SALL2: variants seen among roughly 807,000 people sequenced by gnomAD.
SALL2 encodes the protein sal-like protein 2.
In SALL2, 32 loss-of-function variants were observed where a neutral mutation model predicts 58.5. The observed-to-expected ratio is 0.55, with a 90% CI of 0.41 to 0.74. SALL2 has a LOEUF of 0.74. Among genes scored for constraint, SALL2 ranks in the 30% least tolerant of loss-of-function variants. The pLI is 0.00. For synonymous variants in SALL2, 516 were observed against 513.6 expected (o/e 1.00, Z -0.06); for missense variants, 1,201 against 1,268.9 (o/e 0.95, Z 0.81).
Position 21,526,330 on chromosome 14 carries a change from G to T in SALL2, c.-203C>A. On this transcript the variant is annotated 5_prime_UTR_variant, in exon 1 of 2. Coordinates refer to ENST00000537235, the MANE Select transcript of SALL2 (RefSeq NM_001364564.1). ...CGGGGAGAAGCTGGAGTGAGAAAGC[G>T]GGGAGAGGGGAGATCTGGGAGGAGC... 5.6e-6 allele frequency: 8 copies of T among 1,431,210 alleles called. No homozygotes were observed. The South Asian group carries it at 1.2e-4, about 21-fold the overall frequency. The allele number at this position is 1,431,210 out of a possible 1,614,324, so 88.7% of individuals were successfully genotyped here. A position where few individuals can be genotyped will look rare whatever the true frequency, so the allele number is the denominator to read the frequency against.
chr14:21,534,637 G>A (rs945816097), intron 1 of SALL2, among the ~76,000 whole-genome samples: 5 of 152,122 alleles, frequency 3.3e-5, no homozygotes, highest in African/African-American at 1.2e-4. Flanking sequence ...AGGAGAGAAT[G>A]CTTCTTGGGG....
intron 1 of SALL2, among the ~76,000 whole-genome samples, chr14:21,536,408 C>CCCTCA (rs1892597083): frequency 2.0e-5 from 3 of 152,202 alleles, no homozygotes; most frequent in Admixed American, 2.0e-4. Flanking sequence ...ACTTTTTTCT[C>CCCTCA]GTCTCCCTCA....
intron 1 of SALL2, among the ~76,000 whole-genome samples, chr14:21,532,898 G>A (rs1324422351): frequency 6.6e-6 from 1 of 151,636 alleles, no homozygotes; most frequent in African/African-American, 2.4e-5. Context: ...GGGAGGCGGA[G>A]CTCGCAGTGA....
Position 21,525,078 on chromosome 14 carries a change from A to G in SALL2, c.644T>C (p.Val215Ala). Residue 215 changes from valine to alanine, a missense_variant, in exon 2 of 2, where the codon GTG (valine) becomes GCG (alanine). Around this residue, in one of 3 missense-constraint regions of SALL2, gnomAD observed 467 missense variants for 468.9 expected, o/e 1.00. Coordinates refer to ENST00000537235, the MANE Select transcript of SALL2 (RefSeq NM_001364564.1). This position sits in a 1 kb window ranked among gnomAD's most constrained non-coding sequence, Gnocchi z 4.4. The part of the protein sequence containing the change: ...VLLLGSLGQT[V>A]GAPASPSELP... Reference sequence around the variant, plus strand: ...CTCTGAGGGACTGGCAGGGGCACCCACCGTCTGGCCTAAGGAGCCAAGCAA... The same window carrying G: ...CTCTGAGGGACTGGCAGGGGCACCCGCCGTCTGGCCTAAGGAGCCAAGCAA... 6.2e-7 allele frequency: 1 copy of G among 1,614,120 alleles called. No individual in the cohort carries two copies. Among genetic ancestry groups the G allele is most frequent in the Non-Finnish European group, 8.5e-7 (1 of 1,179,986 alleles).
chr14:21,533,519 T>C lies in SALL2; in HGVS notation c.-114+3443A>G, dbSNP rs1246341212. Among the ~76,000 whole-genome samples the C allele has an allele frequency of 2.0e-5, 3 of 152,228 alleles. No homozygotes were observed. In the South Asian group the frequency reaches 6.2e-4, roughly 31 times the overall value. ...GATTGTTTCCTTTATTTCCCAGATG[T>C]ACTGGTTTGCATTTTTCCCCCAGTC... On this transcript the variant is annotated intron_variant, in intron 1 of 1. Coordinates refer to the SALL2 transcript ENST00000541965.
chr14:21,524,935 A>C lies in SALL2; in HGVS notation c.787T>G (p.Ser263Ala), dbSNP rs200430124. 6.2e-7 allele frequency: 1 copy of C among 1,614,090 alleles called. No homozygotes were observed. Among genetic ancestry groups the C allele is most frequent in the South Asian group, 1.1e-5 (1 of 91,088 alleles). Reference sequence around the variant, plus strand: ...GCCTGCTTGGGCGTTTCTGCCCCTGAAGAGGAAGAGGAGGAGGAGGAGGAA... The same window carrying C: ...GCCTGCTTGGGCGTTTCTGCCCCTGCAGAGGAAGAGGAGGAGGAGGAGGAA... ...ASSSSSSSSS[S>A]GAETPKQAFF... is the part of the protein sequence containing the mutation. Residue 263 changes from serine (S) to alanine (A), a missense_variant, in exon 2 of 2, where the codon TCA becomes GCA. Ser to Ala is a moderately conservative substitution (Grantham distance 99). Transcript: ENST00000537235.
At chr14:21,529,150 G>A (rs996965893), upstream of SALL2, among the ~76,000 whole-genome samples, 5 of 152,174 alleles carry the variant, frequency 3.3e-5, no homozygotes, top group African/African-American at 1.2e-4. Context: ...ATCCTGAAAA[G>A]GGGGGCAGGA....
chr14:21,531,597 G>A (rs567976503), intron 1 of SALL2, among the ~76,000 whole-genome samples: 54 of 152,056 alleles, frequency 3.6e-4, no homozygotes, highest in Non-Finnish European at 6.6e-4. Context: ...TAGTAGAGAC[G>A]GGGTTTCTTC....
intron 1 of SALL2, among the ~76,000 whole-genome samples, chr14:21,535,272 G>C (rs537818230): frequency 2.6e-3 from 389 of 151,276 alleles, no homozygotes; most frequent in African/African-American, 9.0e-3. Flanking sequence ...GTGAACCTGG[G>C]AGGTGGAGCG....
intron 1 of SALL2, chr14:21,536,899 T>G (rs1276957722): frequency 8.7e-6 from 14 of 1,614,138 alleles, no homozygotes; most frequent in Non-Finnish European, 1.1e-5. Flanking sequence ...CTGTTGGGGT[T>G]TCCGCTGCTT....
rs1317318701 is a variant in SALL2 at position 21,525,849 on chromosome 14, G to A, written c.68-195C>T. On this transcript the variant is annotated intron_variant, in intron 1 of 1. Transcript: ENST00000537235. The surrounding 1 kb of genome is among the most constrained non-coding windows in gnomAD (Gnocchi z 4.4). ...CAACCCGGCATGGGGCAGGGGGGTG[G>A]GGAGGGAGGAGGGGAGGGGGGCAAG... Among the ~76,000 whole-genome samples, 1 of 149,612 alleles carries A rather than the reference G, an allele frequency of 6.7e-6. No individual in the cohort carries two copies. The highest frequency in any genetic ancestry group is 2.0e-4 in the East Asian group (1 of 4,982).
upstream of SALL2, among the ~76,000 whole-genome samples, chr14:21,527,564 T>G (rs1358576488): frequency 5.3e-5 from 8 of 152,246 alleles, no homozygotes; most frequent in Non-Finnish European, 1.0e-4. Context: ...AACTGAGACA[T>G]GGTGGTCAGT....
chr14:21,527,264 C>A (rs947063365), upstream of SALL2, among the ~76,000 whole-genome samples: 3 of 152,180 alleles, frequency 2.0e-5, no homozygotes, highest in African/African-American at 7.2e-5. Flanking sequence ...GTGTCTAAAG[C>A]CCTTTCAGCC....
intron 1 of SALL2, among the ~76,000 whole-genome samples, chr14:21,534,239 T>A (rs974140079): frequency 2.0e-5 from 3 of 152,188 alleles, no homozygotes; most frequent in Non-Finnish European, 4.4e-5. Context: ...ATTTTGCAGA[T>A]GAGGCCCAAT....
At chr14:21,531,568 G>A (rs1266681656) in intron 1 of SALL2, among the ~76,000 whole-genome samples, 1 of 151,546 alleles carries the variant, frequency 6.6e-6, no homozygotes, top group Non-Finnish European at 1.5e-5. Flanking sequence ...CACCACGCCC[G>A]GCTAATTTTG....
At chr14:21,526,397 G>T, upstream of SALL2, 1 of 1,371,424 alleles carries the variant, frequency 7.3e-7, no homozygotes, top group Non-Finnish European at 9.4e-7. Context: ...GCTGGGGAGG[G>T]AGGCGGGAGC....
rs777399944 is a variant in SALL2, at chr14:21,525,214, C to A, written c.508G>T (p.Val170Leu). The change falls in exon 2 of 2, where the codon GTA (valine) becomes TTA (leucine). Residue 170 changes from valine to leucine, a missense_variant. This residue lies in a region of SALL2 where 467 missense variants were observed against 468.9 expected (regional missense o/e 1.00). Transcript: ENST00000537235. This position sits in a 1 kb window ranked among gnomAD's most constrained non-coding sequence, Gnocchi z 4.4. ...PPPPPPPPPGVGSGHLNIPLI... is the reference protein window; with the variant it reads ...PPPPPPPPPGLGSGHLNIPLI... Reference sequence around the variant, plus strand: ...GGGATATTCAAGTGGCCACTGCCTACCCCTGGGGGCGGAGGGGGTGGTGGA... The same window carrying A: ...GGGATATTCAAGTGGCCACTGCCTAACCCTGGGGGCGGAGGGGGTGGTGGA... 4 of 1,613,442 alleles carry A rather than the reference C, an allele frequency of 2.5e-6. No homozygotes were observed. The highest frequency in any genetic ancestry group is 3.4e-6 in the Non-Finnish European group (4 of 1,179,652).
In SALL2 at chr14:21,526,340, G is replaced by T; in HGVS notation, c.-213C>A. 1 of 1,418,510 alleles carries T rather than the reference G, an allele frequency of 7.0e-7. No homozygotes were observed. The highest frequency in any genetic ancestry group is 2.6e-4 in the Middle Eastern group (1 of 3,792). 87.9% of individuals were successfully genotyped at this position (1,418,510 alleles called of 1,614,324 possible). ...CTGGAGTGAGAAAGCGGGGAGAGGGGAGATCTGGGAGGAGCTGATGAGGAG... is the reference window on the plus strand; with the variant it reads ...CTGGAGTGAGAAAGCGGGGAGAGGGTAGATCTGGGAGGAGCTGATGAGGAG... On this transcript the variant is annotated 5_prime_UTR_variant, in exon 1 of 2. Transcript: ENST00000537235.
At position 21,535,234 on chromosome 14, in the gene SALL2, A is replaced by G. The variant is rs143054876; in HGVS notation, c.-114+1728T>C. 7.3e-3 allele frequency among the ~76,000 whole-genome samples: 1,110 copies of G among 151,816 alleles called. 13 individuals are homozygous for G. The highest frequency in any genetic ancestry group is 0.025 in the African/African-American group (1,020 of 41,388). On this transcript the variant is annotated intron_variant, in intron 1 of 1. Transcript: ENST00000541965. ...GTGGCAGGCGCCTATAGTTCCAGCTACTCGGGAGGCTGAGGCAGGAGAATG... is the reference window on the plus strand; with the variant it reads ...GTGGCAGGCGCCTATAGTTCCAGCTGCTCGGGAGGCTGAGGCAGGAGAATG...
Sources: gnomAD v4.1 joint callset for allele counts (sites outside exome capture counted in the v4.1 genomes callset) on GRCh38, gnomAD v4.1.1 for gene constraint, gnomAD v4.1.1 regional missense constraint, Gnocchi (gnomAD v3.1) non-coding constraint, MANE v1.5 for transcripts, NCBI Gene and HGNC (gene_info 2026-07-23, HGNC 2026-07-21) for gene names.